The following NPAS3 variants were observed in gnomAD, a reference collection of about 807,000 sequenced individuals.
NPAS3 encodes the protein neuronal PAS domain protein 3, also known as neuronal PAS domain-containing protein 3.
Under a neutral mutation model 73.1 loss-of-function variants are expected in NPAS3, and 14 were observed. The ratio of observed to expected loss-of-function variants is 0.19; its 90% CI spans 0.13 to 0.30. NPAS3 has a LOEUF of 0.30. Ranked by LOEUF, NPAS3 falls within the 10% of genes least tolerant of loss-of-function variation. NPAS3 has a pLI of 1.00. For missense variants in NPAS3, 1,096 were observed against 1,250.0 expected, an observed-to-expected ratio of 0.88 and a Z score of 1.86; for synonymous variants, 620 against 541.5, an observed-to-expected ratio of 1.14 and a Z score of -2.01.
At chr14:33,690,282 A>G (rs1013990906) in intron 6 of NPAS3, among the ~76,000 whole-genome samples, 2 of 152,164 alleles carry the variant, frequency 1.3e-5, no homozygotes, top group African/African-American at 4.8e-5. Flanking sequence ...ACTAATCTTG[A>G]GAACTAAAAT....
intron 4 of NPAS3, among the ~76,000 whole-genome samples, chr14:33,553,627 T>C (rs10142154): frequency 0.35 from 53,503 of 152,026 alleles, 10,038 homozygotes; most frequent in African/African-American, 0.49. Flanking sequence ...AGTTGACTCA[T>C]TGAAAGGCAA....
At chr14:33,199,026 C>T (rs950659836) in intron 2 of NPAS3, among the ~76,000 whole-genome samples, 4 of 152,152 alleles carry the variant, frequency 2.6e-5, no homozygotes, top group African/African-American at 7.2e-5. Context: ...GCCTGCTGGC[C>T]GCTCCAAGTG....
At chr14:33,119,623 G>A (rs1179487289) in intron 2 of NPAS3, among the ~76,000 whole-genome samples, 8 of 152,132 alleles carry the variant, frequency 5.3e-5, no homozygotes, top group Non-Finnish European at 8.8e-5. Context: ...TTTAGATGGA[G>A]TGCATAAAAT....
chr14:33,238,112 G>A (rs1452653002), intron 3 of NPAS3, among the ~76,000 whole-genome samples: 1 of 151,874 alleles, frequency 6.6e-6, no homozygotes, highest in Non-Finnish European at 1.5e-5. Flanking sequence ...AAGTCTATGA[G>A]GCATACCTTT....
chr14:33,657,951 G>C (rs1003451164), intron 5 of NPAS3, among the ~76,000 whole-genome samples: 1 of 152,144 alleles, frequency 6.6e-6, no homozygotes, highest in Non-Finnish European at 1.5e-5. Context: ...CCAAGCGCAC[G>C]CTCCTCGAAG....
chr14:33,288,817 A>G (rs1477629139), intron 3 of NPAS3, among the ~76,000 whole-genome samples: 1 of 152,146 alleles, frequency 6.6e-6, no homozygotes, highest in East Asian at 1.9e-4. Flanking sequence ...ACACACACCC[A>G]CAAAGCAAAA....
intron 3 of NPAS3, among the ~76,000 whole-genome samples, chr14:33,242,814 A>G (rs1363466561): frequency 6.6e-6 from 1 of 152,158 alleles, no homozygotes; most frequent in Non-Finnish European, 1.5e-5. Flanking sequence ...AGATAAATCT[A>G]AGACAATATG....
intron 1 of NPAS3, among the ~76,000 whole-genome samples, chr14:32,973,525 A>G (rs2037524423): frequency 7.0e-6 from 1 of 141,908 alleles, no homozygotes; most frequent in African/African-American, 2.6e-5. Flanking sequence ...TTCTATGAGT[A>G]TATTTTGATT....
intron 3 of NPAS3, among the ~76,000 whole-genome samples, chr14:33,288,316 A>C (rs1269895436): frequency 6.6e-6 from 1 of 152,064 alleles, no homozygotes; most frequent in Non-Finnish European, 1.5e-5. Flanking sequence ...AATATGTGTT[A>C]AGGCCAGACT....
At chr14:33,296,347 C>T (rs1734137069) in intron 3 of NPAS3, among the ~76,000 whole-genome samples, 2 of 152,194 alleles carry the variant, frequency 1.3e-5, no homozygotes. Context: ...CCAATAAACA[C>T]ACATACACGG....
At chr14:33,028,247 G>GA (rs2039873341) in intron 1 of NPAS3, among the ~76,000 whole-genome samples, 2 of 152,048 alleles carry the variant, frequency 1.3e-5, no homozygotes, top group Admixed American at 6.5e-5. Context: ...ATGTGGATTT[G>GA]AAAAAACATT....
intron 3 of NPAS3, 92 bp downstream of exon 3, chr14:33,215,518 C>T (rs1446818091): frequency 8.0e-6 from 11 of 1,381,438 alleles, no homozygotes; most frequent in Middle Eastern, 3.5e-4. Flanking sequence ...TCTTTTCCTG[C>T]ATATCAAATC....
intron 2 of NPAS3, among the ~76,000 whole-genome samples, chr14:33,141,052 C>A (rs1232017907): frequency 6.6e-6 from 1 of 152,116 alleles, no homozygotes; most frequent in Non-Finnish European, 1.5e-5. Flanking sequence ...ATGTGGGATG[C>A]CATCATAGTT....
intron 3 of NPAS3, among the ~76,000 whole-genome samples, chr14:33,299,463 A>T (rs1006231860): frequency 1.6e-4 from 24 of 152,154 alleles, no homozygotes; most frequent in African/African-American, 5.8e-4. Flanking sequence ...CAGCCATCTT[A>T]CCACCTCATA....
chr14:33,475,337 C>T (rs1311445370), intron 4 of NPAS3, among the ~76,000 whole-genome samples: 2 of 152,008 alleles, frequency 1.3e-5, no homozygotes, highest in South Asian at 4.2e-4. Context: ...CTTATTGATG[C>T]AGTTAATAAT....
At chr14:33,615,780 G>A (rs931985582) in intron 5 of NPAS3, among the ~76,000 whole-genome samples, 11 of 152,068 alleles carry the variant, frequency 7.2e-5, no homozygotes, top group African/African-American at 1.2e-4. Flanking sequence ...GAGAATCCCC[G>A]TAGCCATATA....
At chr14:33,440,630 C>CGTGA (rs1350800661) in intron 4 of NPAS3, among the ~76,000 whole-genome samples, 1 of 152,184 alleles carries the variant, frequency 6.6e-6, no homozygotes, top group Non-Finnish European at 1.5e-5. Flanking sequence ...TGGTGGCTCA[C>CGTGA]GCCTGTAATC....
chr14:33,444,187 G>A (rs1391212052), intron 4 of NPAS3, among the ~76,000 whole-genome samples: 1 of 152,136 alleles, frequency 6.6e-6, no homozygotes, highest in African/African-American at 2.4e-5. Flanking sequence ...AAAACTCAGG[G>A]CGTGGGACTG....
intron 3 of NPAS3, among the ~76,000 whole-genome samples, chr14:33,348,267 G>GCT (rs980245377): frequency 6.6e-6 from 1 of 152,026 alleles, no homozygotes; most frequent in Non-Finnish European, 1.5e-5. Flanking sequence ...TCATCCAGCC[G>GCT]CTCTCTCCCT....
Sources: gnomAD v4.1 joint callset for allele counts (sites outside exome capture counted in the v4.1 genomes callset) on GRCh38, gnomAD v4.1.1 for gene constraint, MANE v1.5 for transcripts, NCBI Gene and HGNC (gene_info 2026-07-23, HGNC 2026-07-21) for gene names.